Variants in LRCH2 observed in about 807,000 individuals in gnomAD.
LRCH2 encodes the protein leucine rich repeats and calponin homology domain containing 2.
In LRCH2, 38 loss-of-function variants were observed where a neutral mutation model predicts 68.9. The ratio of observed to expected loss-of-function variants is 0.55; its 90% CI spans 0.43 to 0.72. LRCH2 has a LOEUF of 0.72. Among genes scored for constraint, LRCH2 ranks in the 30% least tolerant of loss-of-function variants. The pLI is 0.00. For missense variants in LRCH2, 528 were observed against 572.9 expected (o/e 0.92, Z 0.80); for synonymous variants, 191 against 208.1 (o/e 0.92, Z 0.71).
intron 3 of LRCH2, among the ~76,000 whole-genome samples, chrX:115,182,403 C>T (rs2072698891): frequency 9.0e-6 from 1 of 111,694 alleles, no homozygotes; most frequent in African/African-American, 3.2e-5. Flanking sequence ...TCTGGAATCT[C>T]TGTTCATTTT....
intron 14 of LRCH2, among the ~76,000 whole-genome samples, chrX:115,147,385 CA>C (rs2072394708): frequency 9.0e-6 from 1 of 111,346 alleles, no homozygotes; most frequent in African/African-American, 3.3e-5. Context: ...AAACTAGTGA[CA>C]TACTCATTTT....
chrX:115,226,111 T>C (rs1385671784), intron 1 of LRCH2, among the ~76,000 whole-genome samples: 3 of 110,544 alleles, frequency 2.7e-5, no homozygotes, highest in African/African-American at 6.6e-5. Context: ...ATAATGATAG[T>C]AGTGCTATTC....
At chrX:115,231,415 T>C (rs1038490952) in intron 1 of LRCH2, among the ~76,000 whole-genome samples, 28 of 111,577 alleles carry the variant, frequency 2.5e-4, no homozygotes, top group African/African-American at 8.5e-4. Context: ...TGAATAGTGG[T>C]CTCTCTACAT....
intron 1 of LRCH2, chrX:115,189,344 C>T (rs148836712): frequency 4.6e-4 from 433 of 937,589 alleles, no homozygotes; most frequent in Non-Finnish European, 5.9e-4. Context: ...CCCCCCCAAC[C>T]GGTAGGAGCC....
At chrX:115,124,568 T>C (rs6421119) in intron 16 of LRCH2, among the ~76,000 whole-genome samples, 11,682 of 112,052 alleles carry the variant, frequency 0.1, 461 homozygotes, top group African/African-American at 0.12. Flanking sequence ...GCTTAGGCTA[T>C]GTTTTGAGCA....
At position 115,125,603 on chromosome X, in the gene LRCH2, A is replaced by G. The variant is rs868931915; in HGVS notation, c.1791+1240T>C. Among the ~76,000 whole-genome samples, 2 of 22,446 alleles carry G rather than the reference A, an allele frequency of 8.9e-5. 1 individual carries two copies. The highest frequency in any genetic ancestry group is 1.4e-4 in the Non-Finnish European group (2 of 14,520). 19.5% of individuals were successfully genotyped at this position (22,446 alleles called of 115,157 possible). A position where few individuals can be genotyped will look rare whatever the true frequency, so the allele number is the denominator to read the frequency against. On this transcript the variant is annotated intron_variant, in intron 16 of 20. Transcript: ENST00000317135. ...CACACATATATATATACACATATAT[A>G]TACGTATATATATATGTATATATAT...
At chrX:115,152,188 C>T (rs1239577247) in intron 12 of LRCH2, among the ~76,000 whole-genome samples, 4 of 111,481 alleles carry the variant, frequency 3.6e-5, no homozygotes, top group Non-Finnish European at 7.5e-5. Flanking sequence ...AAATGTCTTG[C>T]CTCATTAAGG....
At chrX:115,151,102 AAG>A (rs1344408920) in intron 12 of LRCH2, among the ~76,000 whole-genome samples, 3 of 111,593 alleles carry the variant, frequency 2.7e-5, no homozygotes, top group Non-Finnish European at 3.8e-5. Flanking sequence ...TTTTTAACTC[AAG>A]AAGTATTTTT....
chrX:115,226,279 CTAA>C (rs1556576211), intron 1 of LRCH2, among the ~76,000 whole-genome samples: 1 of 111,145 alleles, frequency 9.0e-6, no homozygotes, highest in Middle Eastern at 4.3e-3. Flanking sequence ...TTAATTTTAA[CTAA>C]TAAAATATAA....
intron 10 of LRCH2, 66 bp from the exon 11 acceptor site, chrX:115,163,849 G>A (rs2147386873): frequency 1.2e-6 from 1 of 803,655 alleles, no homozygotes; most frequent in Non-Finnish European, 1.8e-6. Flanking sequence ...CCAGCTTCCA[G>A]AAATAGAAAC....
chrX:115,174,653 A>C (rs2072633435), intron 5 of LRCH2, among the ~76,000 whole-genome samples: 1 of 107,166 alleles, frequency 9.3e-6, no homozygotes, highest in Non-Finnish European at 1.9e-5. Context: ...GTTGATGGAC[A>C]TACAGGTTGT....
rs188644273 is a variant in LRCH2 at position 115,191,557 on chromosome X, G to A, written c.350-3187C>T. The A allele has an allele frequency of 8.5e-4, 964 of 1,134,159 alleles. 3 individuals are homozygous for A. In the African/African-American group the frequency reaches 0.015, roughly 17 times the overall value. 93.5% of individuals were successfully genotyped at this position (1,134,159 alleles called of 1,213,427 possible). On this transcript the variant is annotated intron_variant, in intron 1 of 20. Transcript: ENST00000317135. ...CCAGAGCAACCGCTATGGAGGAGGC[G>A]GCCGCTACGAGGAGTACCGAGGCCA...
In LRCH2 at chrX:115,112,387, T is replaced by C. The variant is rs2072049943; in HGVS notation, c.*829A>G. On this transcript the variant is annotated 3_prime_UTR_variant, in exon 21 of 21. Coordinates refer to ENST00000317135, the MANE Select transcript of LRCH2 (RefSeq NM_020871.4). ...AAAAGATGATTAAGTTTCACAAAAT[T>C]AAATAGCATAAATTAATCATATTAA... The C allele has an allele frequency of 8.9e-6, 1 of 111,967 alleles. No homozygotes were observed. The highest frequency in any genetic ancestry group is 3.2e-5 in the African/African-American group (1 of 30,838). 9.2% of individuals were successfully genotyped at this position (111,967 alleles called of 1,213,427 possible).
chrX:115,137,384 A>C (rs1556532396), intron 14 of LRCH2, among the ~76,000 whole-genome samples: 1 of 110,090 alleles, frequency 9.1e-6, no homozygotes, highest in Non-Finnish European at 1.9e-5. Context: ...ATGTAAATTT[A>C]GACACAGCAG....
At chrX:115,220,312 G>T (rs782340312) in intron 1 of LRCH2, among the ~76,000 whole-genome samples, 1 of 112,157 alleles carries the variant, frequency 8.9e-6, no homozygotes, top group African/African-American at 3.2e-5. Flanking sequence ...GAACAATGTA[G>T]AAGAAGAGTA....
At chrX:115,190,497 C>G (rs1450891721) in intron 1 of LRCH2, 7 of 1,167,915 alleles carry the variant, frequency 6.0e-6, no homozygotes, top group Non-Finnish European at 8.0e-6. Context: ...TGCCAGTCGT[C>G]TTGCCAGACG....
intron 14 of LRCH2, among the ~76,000 whole-genome samples, chrX:115,136,081 A>C (rs2072287606): frequency 8.9e-6 from 1 of 111,804 alleles, no homozygotes; most frequent in Admixed American, 9.6e-5. Flanking sequence ...AACCCACAAT[A>C]TCTCTTAAGT....
intron 14 of LRCH2, among the ~76,000 whole-genome samples, chrX:115,133,526 T>C (rs2072263986): frequency 8.9e-6 from 1 of 112,244 alleles, no homozygotes; most frequent in Non-Finnish European, 1.9e-5. Flanking sequence ...GTGGCAACCC[T>C]GTATCAAGCA....
intron 1 of LRCH2, among the ~76,000 whole-genome samples, chrX:115,216,378 AT>A (rs1220599797): frequency 8.9e-6 from 1 of 112,141 alleles, no homozygotes; most frequent in African/African-American, 3.2e-5. Context: ...AGCAATTTGT[AT>A]TTTTTTCCCT....
Sources: allele counts gnomAD v4.1 joint callset (sites outside exome capture counted in the v4.1 genomes callset), GRCh38; gene constraint gnomAD v4.1.1; transcripts MANE v1.5; gene names NCBI Gene and HGNC (gene_info 2026-07-23, HGNC 2026-07-21).